The following TENM3 variants were observed in gnomAD, a reference collection of about 807,000 sequenced individuals.
TENM3 encodes the protein teneurin transmembrane protein 3.
Under a neutral mutation model 255.1 loss-of-function variants are expected in TENM3, and 63 were observed. The observed-to-expected ratio is 0.25, with a 90% CI of 0.20 to 0.30. The LOEUF (loss-of-function observed/expected upper bound fraction) is 0.30. Among genes scored for constraint, TENM3 ranks in the 10% least tolerant of loss-of-function variants. The pLI, the probability that TENM3 is intolerant of heterozygous loss-of-function variation, is 1.00. For missense variants in TENM3, 2,929 were observed against 3,461.1 expected (o/e 0.85, Z 3.86); for synonymous variants, 1,306 against 1,322.3 (o/e 0.99, Z 0.27).
intron 4 of TENM3, among the ~76,000 whole-genome samples, chr4:182,603,432 G>A (rs58526226): frequency 0.13 from 19,186 of 151,780 alleles, 1,479 homozygotes; most frequent in African/African-American, 0.2. Flanking sequence ...TTGTTTTCTC[G>A]TTATCCAAAG....
the TENM3 span, among the ~76,000 whole-genome samples, chr4:181,831,789 T>C: frequency 6.6e-6 from 1 of 152,070 alleles, no homozygotes; most frequent in Non-Finnish European, 1.5e-5. Flanking sequence ...ATGTAATCAG[T>C]TACACAACAG....
chr4:181,949,697 C>T, the TENM3 span, among the ~76,000 whole-genome samples: 1 of 152,176 alleles, frequency 6.6e-6, no homozygotes, highest in Non-Finnish European at 1.5e-5. Context: ...CTGGCCATCT[C>T]ACTCAGAGTG....
chr4:182,728,469 C>G (rs1357662837), intron 13 of TENM3, among the ~76,000 whole-genome samples: 2 of 152,084 alleles, frequency 1.3e-5, no homozygotes, highest in African/African-American at 4.8e-5. Context: ...ATCTCTAATC[C>G]AAATATTTAC....
chr4:181,791,505 C>G, the TENM3 span, among the ~76,000 whole-genome samples: 2 of 152,138 alleles, frequency 1.3e-5, no homozygotes, highest in Admixed American at 1.3e-4. Flanking sequence ...ATTGTGCTTT[C>G]TGGACATTTT....
At chr4:181,808,338 G>A in the TENM3 span, among the ~76,000 whole-genome samples, 39 of 152,234 alleles carry the variant, frequency 2.6e-4, no homozygotes, top group African/African-American at 8.4e-4. Context: ...TAAATAATGG[G>A]TCTCAAATAG....
At chr4:181,590,969 C>A in the TENM3 span, among the ~76,000 whole-genome samples, 1 of 152,162 alleles carries the variant, frequency 6.6e-6, no homozygotes, top group Non-Finnish European at 1.5e-5. Context: ...TATAAATAAT[C>A]TCCTTACTTA....
At chr4:182,762,208 C>G (rs575548471) in intron 22 of TENM3, among the ~76,000 whole-genome samples, 1 of 152,296 alleles carries the variant, frequency 6.6e-6, no homozygotes, top group South Asian at 2.1e-4. Flanking sequence ...TTAACTCTTT[C>G]AGGGTGTTCC....
At chr4:181,605,589 G>GA in the TENM3 span, among the ~76,000 whole-genome samples, 3,238 of 35,726 alleles carry the variant, frequency 0.091, 517 homozygotes, top group Admixed American at 0.13. Context: ...AGAAAGGAAA[G>GA]AAAGAAAGAA....
chr4:181,817,080 G>C, the TENM3 span, among the ~76,000 whole-genome samples: 8 of 152,120 alleles, frequency 5.3e-5, no homozygotes, highest in Admixed American at 1.3e-4. Context: ...TGCTCCTTTC[G>C]CTATGCCATG....
chr4:181,517,855 A>G, the TENM3 span, among the ~76,000 whole-genome samples: 4 of 152,140 alleles, frequency 2.6e-5, no homozygotes, highest in African/African-American at 7.2e-5. Flanking sequence ...ATCTTGGTGT[A>G]TATTTCAGAT....
At chr4:182,159,488 C>T (rs1579541358) in intron 1 of TENM3, among the ~76,000 whole-genome samples, 1 of 147,522 alleles carries the variant, frequency 6.8e-6, no homozygotes, top group East Asian at 2.0e-4. Flanking sequence ...GTGTGTGTAT[C>T]AGGATGGTGC....
At chr4:182,581,218 C>A (rs1247546843) in intron 3 of TENM3, among the ~76,000 whole-genome samples, 1 of 152,062 alleles carries the variant, frequency 6.6e-6, no homozygotes, top group East Asian at 1.9e-4. Flanking sequence ...AATTGTTTGA[C>A]TTTATTTTGA....
the TENM3 span, among the ~76,000 whole-genome samples, chr4:181,705,606 C>G: frequency 2.6e-5 from 4 of 152,114 alleles, no homozygotes; most frequent in Admixed American, 2.6e-4. Context: ...CAACTTAAAT[C>G]TATACATTTC....
intron 9 of TENM3, 71 bp downstream of exon 9, chr4:182,680,420 A>G: frequency 1.1e-6 from 1 of 906,986 alleles, no homozygotes; most frequent in Non-Finnish European, 1.7e-6. Context: ...TCCAAAAACT[A>G]CCGAGACAGG....
chr4:182,030,938 G>A, the TENM3 span, among the ~76,000 whole-genome samples: 2 of 152,034 alleles, frequency 1.3e-5, no homozygotes, highest in South Asian at 2.1e-4. Flanking sequence ...TAAATTCCTT[G>A]TAAATTCTGG....
chr4:181,752,126 A>G, the TENM3 span, among the ~76,000 whole-genome samples: 1 of 152,100 alleles, frequency 6.6e-6, no homozygotes, highest in African/African-American at 2.4e-5. Context: ...ATTGCTTTTG[A>G]TATTCTCACT....
chr4:182,048,290 C>G, the TENM3 span, among the ~76,000 whole-genome samples: 2 of 152,120 alleles, frequency 1.3e-5, no homozygotes, highest in African/African-American at 2.4e-5. Flanking sequence ...GTAAGCATTA[C>G]AAGTATAGGT....
At chr4:182,635,511 A>T (rs369445088) in intron 5 of TENM3, among the ~76,000 whole-genome samples, 1 of 152,210 alleles carries the variant, frequency 6.6e-6, no homozygotes, top group Admixed American at 6.5e-5. Context: ...TTTTTAAGGG[A>T]CTGTTTTGCT....
At chr4:182,484,327 C>A (rs947257325) in intron 3 of TENM3, among the ~76,000 whole-genome samples, 1 of 152,168 alleles carries the variant, frequency 6.6e-6, no homozygotes, top group Non-Finnish European at 1.5e-5. Flanking sequence ...TGAACCCAGG[C>A]AGTGTGGCTT....
Sources: gnomAD v4.1 joint callset for allele counts (sites outside exome capture counted in the v4.1 genomes callset) on GRCh38, gnomAD v4.1.1 for gene constraint, MANE v1.5 for transcripts, NCBI Gene and HGNC (gene_info 2026-07-23, HGNC 2026-07-21) for gene names.